The following MALRD1 variants were observed in gnomAD, a reference collection of about 807,000 sequenced individuals.
The protein encoded by MALRD1 is MAM and LDL-receptor class A domain-containing protein 1.
MALRD1 carries 247 observed loss-of-function variants against 242.1 expected under a neutral mutation model. The observed-to-expected ratio is 1.02, with a 90% CI of 0.92 to 1.13. MALRD1 has a LOEUF of 1.13. Ranked by LOEUF, MALRD1 falls within the 50% of genes most tolerant of loss-of-function variation. The pLI, the probability that MALRD1 is intolerant of heterozygous loss-of-function variation, is 0.00. For missense variants in MALRD1, 2,989 were observed against 2,533.1 expected (o/e 1.18, Z -3.86); for synonymous variants, 995 against 866.6 (o/e 1.15, Z -2.60).
At chr10:19,695,388 C>T (rs938172042) in intron 38 of MALRD1, among the ~76,000 whole-genome samples, 1 of 151,922 alleles carries the variant, frequency 6.6e-6, no homozygotes, top group East Asian at 1.9e-4. Context: ...TCTCACACTG[C>T]TAATAAAGAC....
chr10:19,209,653 C>T lies in MALRD1; in HGVS notation c.2964C>T (p.Leu988=). 3 of 1,549,588 alleles carry T rather than the reference C, an allele frequency of 1.9e-6. No homozygotes were observed. Among genetic ancestry groups the T allele is most frequent in the Non-Finnish European group, 2.6e-6 (3 of 1,146,358 alleles). ...NQGNRWIRKH[L]NISSRQPFQI... Reference sequence around the variant, plus strand: ...GCAACAGATGGATTAGGAAACACCTCAACATTTCCAGCAGGCAGCCCTTTC... The same window carrying T: ...GCAACAGATGGATTAGGAAACACCTTAACATTTCCAGCAGGCAGCCCTTTC... Residue 988 remains leucine (L), a synonymous_variant, in exon 18 of 40, where the codon CTC becomes CTT. Coordinates refer to ENST00000454679, the MANE Select transcript of MALRD1 (RefSeq NM_001142308.3).
intron 24 of MALRD1, among the ~76,000 whole-genome samples, chr10:19,347,084 T>C (rs1844164823): frequency 2.0e-5 from 3 of 152,170 alleles, no homozygotes; most frequent in Admixed American, 6.6e-5. Flanking sequence ...TTCACTACCA[T>C]TTTCAGCTTT....
intron 30 of MALRD1, among the ~76,000 whole-genome samples, chr10:19,497,018 G>A (rs997330579): frequency 2.2e-4 from 34 of 152,042 alleles, no homozygotes; most frequent in African/African-American, 6.3e-4. Flanking sequence ...AATATCTTTA[G>A]CATCAAAAAT....
chr10:19,145,485 A>T (rs1833697063), intron 10 of MALRD1, among the ~76,000 whole-genome samples: 2 of 152,056 alleles, frequency 1.3e-5, no homozygotes, highest in African/African-American at 2.4e-5. Context: ...CTCTCCTAAA[A>T]ATAAAAAAAA....
chr10:19,181,279 A>G (rs1474184081), intron 14 of MALRD1, among the ~76,000 whole-genome samples: 2 of 152,206 alleles, frequency 1.3e-5, no homozygotes, highest in Admixed American at 6.5e-5. Flanking sequence ...CTGCAGGATT[A>G]TTCTTGATAG....
intron 36 of MALRD1, among the ~76,000 whole-genome samples, chr10:19,664,381 C>T (rs1327982698): frequency 6.6e-6 from 1 of 151,802 alleles, no homozygotes; most frequent in Non-Finnish European, 1.5e-5. Context: ...TCATGCACTC[C>T]AGGGATTTTT....
chr10:19,257,762 C>A lies in MALRD1; in HGVS notation c.3070C>A (p.Leu1024Ile). ...TGATCTGTCATTTATGGACTGCACC[C>A]TCTACCCTGGTAAGAGAGAACATTT... ...IDDLSFMDCTLYPGNLPADLP... is the reference protein window; with the variant it reads ...IDDLSFMDCTIYPGNLPADLP... The change falls in exon 19 of 40, where the codon CTC (leucine) becomes ATC (isoleucine). Residue 1024 changes from leucine to isoleucine, a missense_variant. Coordinates refer to ENST00000454679, the MANE Select transcript of MALRD1 (RefSeq NM_001142308.3). 1 of 1,530,168 alleles carries A rather than the reference C, an allele frequency of 6.5e-7. No homozygotes were observed. 94.8% of individuals were successfully genotyped at this position (1,530,168 alleles called of 1,614,324 possible).
chr10:19,554,877 T>C (rs1204857836), intron 32 of MALRD1, among the ~76,000 whole-genome samples: 2 of 152,196 alleles, frequency 1.3e-5, no homozygotes, highest in African/African-American at 4.8e-5. Flanking sequence ...ATCTTTGTAA[T>C]AGAATGATTT....
At chr10:19,662,164 T>G (rs1215130196) in intron 36 of MALRD1, among the ~76,000 whole-genome samples, 1 of 152,170 alleles carries the variant, frequency 6.6e-6, no homozygotes, top group Non-Finnish European at 1.5e-5. Context: ...AAGACTGTTT[T>G]CATATATTCT....
intron 13 of MALRD1, among the ~76,000 whole-genome samples, chr10:19,171,888 A>G (rs1834989462): frequency 7.0e-6 from 1 of 143,734 alleles, no homozygotes; most frequent in South Asian, 2.1e-4. Context: ...ATACGTATAT[A>G]TATGATATAT....
intron 29 of MALRD1, among the ~76,000 whole-genome samples, chr10:19,481,520 A>G (rs1319170511): frequency 3.3e-5 from 5 of 152,164 alleles, no homozygotes; most frequent in Non-Finnish European, 7.4e-5. Context: ...GAGAGCAACC[A>G]AGTGAAATAA....
At chr10:19,375,996 C>T (rs776526541) in intron 26 of MALRD1, among the ~76,000 whole-genome samples, 1 of 152,154 alleles carries the variant, frequency 6.6e-6, no homozygotes, top group Non-Finnish European at 1.5e-5. Flanking sequence ...GTGATGCACA[C>T]CTGTAGTCCC....
At chr10:19,722,023 A>G (rs1194450770) in intron 38 of MALRD1, 1 of 152,254 alleles carries the variant, frequency 6.6e-6, no homozygotes, top group Non-Finnish European at 1.5e-5. Context: ...AAGTAAGCAG[A>G]GAGAAGTTAG....
intron 28 of MALRD1, among the ~76,000 whole-genome samples, chr10:19,407,415 A>G (rs1261719231): frequency 2.0e-5 from 3 of 152,170 alleles, no homozygotes; most frequent in African/African-American, 7.2e-5. Context: ...GCAGGAGTTC[A>G]AGGCTGCAGT....
intron 21 of MALRD1, among the ~76,000 whole-genome samples, chr10:19,298,470 GGGGAAACAAA>G (rs1841808218): frequency 6.6e-6 from 1 of 151,864 alleles, no homozygotes; most frequent in Admixed American, 6.6e-5. Flanking sequence ...AAGGAAACAA[GGGGAAACAAA>G]GGGAAAGAAA....
At chr10:19,120,628 G>A (rs1278380144) in intron 5 of MALRD1, among the ~76,000 whole-genome samples, 2 of 152,192 alleles carry the variant, frequency 1.3e-5, no homozygotes, top group Non-Finnish European at 2.9e-5. Context: ...AGGGTAGGGG[G>A]AGAAGAGAGA....
chr10:19,609,994 G>A (rs191138128), intron 35 of MALRD1, among the ~76,000 whole-genome samples: 2 of 151,984 alleles, frequency 1.3e-5, no homozygotes, highest in East Asian at 3.9e-4. Context: ...TAAAGTCTCA[G>A]AAGTATTTAA....
chr10:19,156,215 C>A (rs1834137371), intron 12 of MALRD1, among the ~76,000 whole-genome samples: 1 of 152,010 alleles, frequency 6.6e-6, no homozygotes, highest in South Asian at 2.1e-4. Flanking sequence ...TGGTATAAGT[C>A]TAAGTGGGAG....
chr10:19,238,383 A>G (rs1426335013), intron 18 of MALRD1, among the ~76,000 whole-genome samples: 1 of 91,490 alleles, frequency 1.1e-5, no homozygotes, highest in Non-Finnish European at 2.0e-5. Flanking sequence ...TATACATAAT[A>G]TATTATATAT....
Sources: allele counts gnomAD v4.1 joint callset (sites outside exome capture counted in the v4.1 genomes callset), GRCh38; gene constraint gnomAD v4.1.1; transcripts MANE v1.5; gene names NCBI Gene and HGNC (gene_info 2026-07-23, HGNC 2026-07-21).